The following LRRC9 variants were observed in gnomAD, a reference collection of about 807,000 sequenced individuals.
The protein encoded by LRRC9 is leucine-rich repeat-containing protein 9.
A neutral mutation model predicts 63.2 loss-of-function variants in LRRC9; 122 were observed. The ratio of observed to expected loss-of-function variants is 1.93; its 90% CI spans 1.67 to 2.24. The LOEUF (loss-of-function observed/expected upper bound fraction) is 2.24. Among genes scored for constraint, LRRC9 ranks in the 30% most tolerant of loss-of-function variants. LRRC9 has a pLI of 0.00. For synonymous variants in LRRC9, 366 were observed against 213.1 expected, an observed-to-expected ratio of 1.72 and a Z score of -6.25; for missense variants, 1,071 against 627.7, an observed-to-expected ratio of 1.71 and a Z score of -7.55.
intron 12 of LRRC9, among the ~76,000 whole-genome samples, chr14:59,972,592 T>A (rs149702428): frequency 5.3e-5 from 8 of 151,994 alleles, no homozygotes; most frequent in African/African-American, 1.7e-4. Context: ...TGCATTTGCT[T>A]TATCTACACA....
rs192884485 is a variant in LRRC9, at chr14:60,017,112, G to C, written c.3317+322G>C. On this transcript the variant is annotated intron_variant, in intron 24 of 31. Transcript: ENST00000445360. This position sits in a 1 kb window ranked among gnomAD's most constrained non-coding sequence, Gnocchi z 4.0. The stretch of plus-strand genomic sequence containing the variant: ...GTTGCCAGGCTGGTCTCCAATCATG[G>C]GCTCAAGTGGTTCACCTGCCTCAGT... Among the ~76,000 whole-genome samples, 4 of 151,982 alleles carry C rather than the reference G, an allele frequency of 2.6e-5. No individual in the cohort carries two copies. In the East Asian group the frequency reaches 5.8e-4, roughly 22 times the overall value.
chr14:59,938,016 A>G lies in LRRC9; in HGVS notation c.544-374A>G, dbSNP rs1378781508. 6.6e-6 allele frequency among the ~76,000 whole-genome samples: 1 copy of G among 152,166 alleles called. No individual in the cohort carries two copies. The highest frequency in any genetic ancestry group is 1.5e-5 in the Non-Finnish European group (1 of 68,012). ...AGGAGTGTTTCTAGGTGATAAGTACAGGAAATAGGGGTGAAGAAATCAGAG... is the reference window on the plus strand; with the variant it reads ...AGGAGTGTTTCTAGGTGATAAGTACGGGAAATAGGGGTGAAGAAATCAGAG... On this transcript the variant is annotated intron_variant, in intron 6 of 31. Transcript: ENST00000445360. The surrounding 1 kb of genome is among the most constrained non-coding windows in gnomAD (Gnocchi z 4.2).
In LRRC9 at chr14:59,958,996, A is replaced by G. The variant is rs1347052786; in HGVS notation, c.883-822A>G. ...GGGTACCTCAGTTGGAAATGCAGTA[A>G]TCACCCACCTTCTGCATTGGTCTCA... is the stretch of plus-strand genomic sequence containing the variant. On this transcript the variant is annotated intron_variant, in intron 8 of 31. Coordinates refer to ENST00000445360, the Ensembl canonical transcript of LRRC9. This position sits in a 1 kb window ranked among gnomAD's most constrained non-coding sequence, Gnocchi z 4.0. Among the ~76,000 whole-genome samples the G allele has an allele frequency of 6.6e-6, 1 of 152,160 alleles. No individual in the cohort carries two copies. The highest frequency in any genetic ancestry group is 1.9e-4 in the East Asian group (1 of 5,188).
intron 29 of LRRC9, among the ~76,000 whole-genome samples, chr14:60,038,770 C>A (rs1270472032): frequency 6.6e-6 from 1 of 152,194 alleles, no homozygotes; most frequent in Non-Finnish European, 1.5e-5. Flanking sequence ...CTTTCTCTTG[C>A]CTGATTGCCC....
chr14:60,018,316 C>T lies in LRRC9; in HGVS notation c.3318-55C>T, dbSNP rs1342275218. 1.4e-5 allele frequency: 10 copies of T among 693,682 alleles called. No homozygotes were observed. The Admixed American group carries it at 2.0e-4, about 14-fold the overall frequency. 43.0% of individuals were successfully genotyped at this position (693,682 alleles called of 1,614,324 possible). On this transcript the variant is annotated intron_variant, in intron 24 of 31. Coordinates refer to ENST00000445360, the Ensembl canonical transcript of LRRC9. The stretch of plus-strand genomic sequence containing the variant: ...TGTATGTGAAGGAACTCACCTTTTC[C>T]TATATTTTCCTGTCCTATTAAAATA...
At chr14:60,020,720 A>G (rs1891055847) in intron 26 of LRRC9, among the ~76,000 whole-genome samples, 1 of 151,940 alleles carries the variant, frequency 6.6e-6, no homozygotes. Flanking sequence ...GAACTATAAA[A>G]TAGACGGTCT....
At chr14:59,940,363 T>C (rs1005944219) in intron 7 of LRRC9, among the ~76,000 whole-genome samples, 1 of 152,154 alleles carries the variant, frequency 6.6e-6, no homozygotes, top group Non-Finnish European at 1.5e-5. Context: ...TTCCCTACTA[T>C]GCATGAGACA....
intron 7 of LRRC9, among the ~76,000 whole-genome samples, chr14:59,943,783 CACTCCAT>C (rs1039466216): frequency 3.9e-4 from 59 of 151,844 alleles, no homozygotes; most frequent in African/African-American, 1.4e-3. Context: ...CTTGATTATC[CACTCCAT>C]ACTAAGTAAA....
At position 59,931,976 on chromosome 14, in the gene LRRC9, T is replaced by A. The variant is rs1889744593; in HGVS notation, c.480T>A (p.Cys160Ter). 2.9e-6 allele frequency: 2 copies of A among 699,962 alleles called. No individual in the cohort carries two copies. The highest frequency in any genetic ancestry group is 5.2e-6 in the Non-Finnish European group (2 of 383,578). The allele number at this position is 699,962 out of a possible 1,614,324, so 43.4% of individuals were successfully genotyped here. A position where few individuals can be genotyped will look rare whatever the true frequency, so the allele number is the denominator to read the frequency against. The change falls in exon 6 of 32, where the codon TGT becomes TGA. Residue 160 changes from cysteine (C) to a stop codon, truncating the protein, a stop_gained. Transcript: ENST00000445360. LOFTEE classifies it high-confidence loss of function. ...TTCGTCTATTTTTTAAAGGTCGATGTCTTGACTCCAATGAACAACTGGAAA... is the reference window on the plus strand; with the variant it reads ...TTCGTCTATTTTTTAAAGGTCGATGACTTGACTCCAATGAACAACTGGAAA...
chr14:59,946,179 T>C (rs1882364219), intron 8 of LRRC9, among the ~76,000 whole-genome samples: 1 of 151,366 alleles, frequency 6.6e-6, no homozygotes, highest in Non-Finnish European at 1.5e-5. Flanking sequence ...CAAGACAGAA[T>C]AGTGTGTAGC....
At position 60,060,672 on chromosome 14, in the gene LRRC9, C is replaced by T. The variant is rs573564177; in HGVS notation, c.4276+2650C>T. Among the ~76,000 whole-genome samples, 61 of 152,070 alleles carry T rather than the reference C, an allele frequency of 4.0e-4. No individual in the cohort carries two copies. Among genetic ancestry groups the T allele is most frequent in the Non-Finnish European group, 6.8e-4 (46 of 68,006 alleles). On this transcript the variant is annotated intron_variant, in intron 31 of 31. Coordinates refer to ENST00000445360, the Ensembl canonical transcript of LRRC9. The surrounding 1 kb of genome is among the most constrained non-coding windows in gnomAD (Gnocchi z 4.0). ...AAGAGAATGGCATGAACCTGGGAGG[C>T]GGAGCTTGCAGTGAACCGAGATCGC...
Position 59,942,995 on chromosome 14 carries a change from T to TTC in LRRC9, c.727-1594_727-1593insTC, listed in dbSNP as rs2139848971. Among the ~76,000 whole-genome samples, 1 of 144,970 alleles carries TTC rather than the reference T, an allele frequency of 6.9e-6. No homozygotes were observed. The highest frequency in any genetic ancestry group is 2.6e-5 in the African/African-American group (1 of 38,254). On this transcript the variant is annotated intron_variant, in intron 7 of 31. Transcript: ENST00000445360. This position sits in a 1 kb window ranked among gnomAD's most constrained non-coding sequence, Gnocchi z 5.3. Reference sequence around the variant, plus strand: ...TGTGTGTGTTTCATTTGTGTGTGCGTATGTGTTGGTTTTTTTGTATTTTGT... The same window carrying TTC: ...TGTGTGTGTTTCATTTGTGTGTGCGTTCATGTGTTGGTTTTTTTGTATTTTGT...
chr14:60,039,599 C>T (rs1457406545), intron 29 of LRRC9, among the ~76,000 whole-genome samples: 3 of 152,052 alleles, frequency 2.0e-5, no homozygotes, highest in South Asian at 2.1e-4. Context: ...TCTGTGGGAT[C>T]GGTGGTGATA....
intron 26 of LRRC9, among the ~76,000 whole-genome samples, chr14:60,022,506 C>T (rs1891191290): frequency 6.6e-6 from 1 of 151,678 alleles, no homozygotes; most frequent in Non-Finnish European, 1.5e-5. Flanking sequence ...TTTTCTAATG[C>T]TTTTCATTGT....
chr14:59,931,298 G>A (rs951975605), intron 4 of LRRC9, among the ~76,000 whole-genome samples: 1 of 151,982 alleles, frequency 6.6e-6, no homozygotes, highest in African/African-American at 2.4e-5. Context: ...TTTCTTTGAA[G>A]GTTTAAAAAT....
At position 60,012,117 on chromosome 14, in the gene LRRC9, G is replaced by T. The variant is rs115935828; in HGVS notation, c.3186+3903G>T. On this transcript the variant is annotated intron_variant, in intron 23 of 31. Transcript: ENST00000445360. ...TAGAAAAAGAAGTCATGAAAAGTGG[G>T]TGCAGAGGTAGGTAGTACAGTAATA... 5.6e-3 allele frequency among the ~76,000 whole-genome samples: 845 copies of T among 152,236 alleles called. 9 individuals are homozygous for T. Among genetic ancestry groups the T allele is most frequent in the African/African-American group, 0.02 (812 of 41,542 alleles).
At chr14:60,041,453 C>A (rs907861276) in intron 29 of LRRC9, among the ~76,000 whole-genome samples, 2 of 151,580 alleles carry the variant, frequency 1.3e-5, no homozygotes, top group Non-Finnish European at 3.0e-5. Flanking sequence ...AGGCTTTATG[C>A]ATTTTTTACT....
At chr14:60,045,786 A>C (rs766436677) in intron 29 of LRRC9, among the ~76,000 whole-genome samples, 1 of 152,132 alleles carries the variant, frequency 6.6e-6, no homozygotes, top group African/African-American at 2.4e-5. Context: ...TGGGGTATAC[A>C]TCCAGTAATG....
intron 29 of LRRC9, among the ~76,000 whole-genome samples, chr14:60,045,225 C>T (rs1364466077): frequency 2.0e-5 from 3 of 151,968 alleles, no homozygotes; most frequent in Non-Finnish European, 4.4e-5. Context: ...TTCTTGAAGG[C>T]AGCATATAGT....
Sources: allele counts gnomAD v4.1 joint callset (sites outside exome capture counted in the v4.1 genomes callset), GRCh38; gene constraint gnomAD v4.1.1; non-coding constraint Gnocchi (gnomAD v3.1); transcripts MANE v1.5; gene names NCBI Gene and HGNC (gene_info 2026-07-23, HGNC 2026-07-21).